SORBS2: variants seen among roughly 807,000 people sequenced by gnomAD.
SORBS2 encodes sorbin and SH3 domain-containing protein 2.
SORBS2 carries 46 observed loss-of-function variants against 97.7 expected under a neutral mutation model. The ratio of observed to expected loss-of-function variants is 0.47; its 90% CI spans 0.37 to 0.60. The LOEUF is 0.60. SORBS2 is among the 20% of genes least tolerant of loss of function. SORBS2 has a pLI of 0.00. For missense variants in SORBS2, 1,316 were observed against 1,282.3 expected, an observed-to-expected ratio of 1.03 and a Z score of -0.40; for synonymous variants, 476 against 473.4, an observed-to-expected ratio of 1.01 and a Z score of -0.07.
intron 1 of SORBS2, among the ~76,000 whole-genome samples, chr4:185,844,006 A>T (rs940085294): frequency 6.6e-6 from 1 of 152,220 alleles, no homozygotes; most frequent in Non-Finnish European, 1.5e-5. Context: ...TGTACACTCT[A>T]TGAGTATATG....
chr4:185,743,785 C>G (rs2098741657), intron 2 of SORBS2, among the ~76,000 whole-genome samples: 1 of 151,426 alleles, frequency 6.6e-6, no homozygotes, highest in Admixed American at 6.6e-5. Flanking sequence ...TCTTCTCCTT[C>G]TTCTTCTTAT....
At chr4:185,764,035 G>A (rs2153613298) in intron 2 of SORBS2, among the ~76,000 whole-genome samples, 1 of 152,250 alleles carries the variant, frequency 6.6e-6, no homozygotes, top group African/African-American at 2.4e-5. Flanking sequence ...GTGTATATAA[G>A]CTTTTCTGAA....
chr4:185,611,041 T>C (rs2096529944), intron 12 of SORBS2, among the ~76,000 whole-genome samples: 1 of 152,124 alleles, frequency 6.6e-6, no homozygotes, highest in Non-Finnish European at 1.5e-5. Flanking sequence ...CAAAGCCTCT[T>C]TTAAATTACG....
chr4:185,930,933 TA>T (rs2099266112), intron 1 of SORBS2, among the ~76,000 whole-genome samples: 1 of 152,226 alleles, frequency 6.6e-6, no homozygotes. Flanking sequence ...TATGTGCCTC[TA>T]AAAACTCAAT....
At chr4:185,646,567 C>T (rs1050765868) in intron 4 of SORBS2, 101 bp downstream of exon 13, 3 of 674,090 alleles carry the variant, frequency 4.5e-6, no homozygotes, top group South Asian at 3.6e-5. Context: ...TAAGTGATTA[C>T]CTTTGTGACA....
chr4:185,711,128 C>T (rs1211402157), intron 2 of SORBS2, among the ~76,000 whole-genome samples: 1 of 120,462 alleles, frequency 8.3e-6, no homozygotes, highest in Non-Finnish European at 1.9e-5. Flanking sequence ...CACCATCACA[C>T]TCAGCAAATC....
intron 4 of SORBS2, among the ~76,000 whole-genome samples, chr4:185,633,182 G>A (rs948551431): frequency 7.9e-5 from 12 of 152,056 alleles, no homozygotes; most frequent in African/African-American, 2.9e-4. Flanking sequence ...TTCCAGTTAT[G>A]GATTAAAATC....
intron 1 of SORBS2, among the ~76,000 whole-genome samples, chr4:185,876,152 G>T (rs183007420): frequency 6.6e-6 from 1 of 151,982 alleles, no homozygotes; most frequent in Non-Finnish European, 1.5e-5. Context: ...CTGTCACCCA[G>T]GCTGGAGTGC....
intron 1 of SORBS2, among the ~76,000 whole-genome samples, chr4:185,787,859 A>G (rs1192846528): frequency 6.6e-6 from 1 of 152,238 alleles, no homozygotes; most frequent in East Asian, 1.9e-4. Context: ...TTTAACCTTG[A>G]ATCATAGCTG....
chr4:185,760,588 T>A (rs1263078181), intron 2 of SORBS2, among the ~76,000 whole-genome samples: 1 of 152,086 alleles, frequency 6.6e-6, no homozygotes, highest in Non-Finnish European at 1.5e-5. Flanking sequence ...ACAAAATGCA[T>A]CTGTATAGGC....
intron 5 of SORBS2, 122 bp from the exon 18 acceptor site, chr4:185,627,141 C>A: frequency 1.3e-6 from 1 of 750,154 alleles, no homozygotes; most frequent in Non-Finnish European, 2.3e-6. Context: ...CCCAAAACTG[C>A]ATTGCTAGGA....
intron 1 of SORBS2, among the ~76,000 whole-genome samples, chr4:185,868,378 A>G (rs902704836): frequency 1.7e-4 from 25 of 151,426 alleles, no homozygotes; most frequent in East Asian, 3.9e-4. Context: ...GGATGGTCTC[A>G]ATCTCCTGAT....
intron 1 of SORBS2, among the ~76,000 whole-genome samples, chr4:185,845,370 A>G (rs898961197): frequency 6.6e-6 from 1 of 152,168 alleles, no homozygotes; most frequent in Non-Finnish European, 1.5e-5. Context: ...AATATTGTGA[A>G]GGTAGTGAAT....
At chr4:185,672,006 A>G (rs772871579) in intron 4 of SORBS2, among the ~76,000 whole-genome samples, 2 of 152,214 alleles carry the variant, frequency 1.3e-5, no homozygotes, top group South Asian at 4.1e-4. Flanking sequence ...ACAGACATCA[A>G]ATGGAGAAAT....
At chr4:185,714,109 T>C (rs1270222167) in intron 2 of SORBS2, among the ~76,000 whole-genome samples, 2 of 152,228 alleles carry the variant, frequency 1.3e-5, no homozygotes, top group East Asian at 3.8e-4. Context: ...ATATGGTTGA[T>C]TTTCTATCTT....
chr4:185,800,465 C>T (rs1383843546), intron 1 of SORBS2, among the ~76,000 whole-genome samples: 1 of 152,120 alleles, frequency 6.6e-6, no homozygotes, highest in Non-Finnish European at 1.5e-5. Flanking sequence ...CTCACTTGCT[C>T]AATTCATTCC....
At chr4:185,809,353 C>G (rs1286517125) in intron 1 of SORBS2, among the ~76,000 whole-genome samples, 1 of 124,654 alleles carries the variant, frequency 8.0e-6, no homozygotes, top group African/African-American at 3.2e-5. Context: ...GGGTGGGGGA[C>G]AGTGAGGGGG....
At chr4:185,649,401 G>A in intron 3 of SORBS2, 66 bp downstream of exon 12, 2 of 1,309,892 alleles carry the variant, frequency 1.5e-6, no homozygotes, top group South Asian at 1.6e-5. Context: ...TTCTTCTACT[G>A]AATGCCATGT....
intron 1 of SORBS2, among the ~76,000 whole-genome samples, chr4:185,804,294 C>T (rs12511699): frequency 8.5e-5 from 13 of 152,166 alleles, no homozygotes; most frequent in African/African-American, 2.4e-4. Flanking sequence ...TTACAATAAC[C>T]GACTTGGCCT....
Sources: gnomAD v4.1 joint callset for allele counts (sites outside exome capture counted in the v4.1 genomes callset) on GRCh38, gnomAD v4.1.1 for gene constraint, MANE v1.5 for transcripts, NCBI Gene and HGNC (gene_info 2026-07-23, HGNC 2026-07-21) for gene names.